Variants in IL16 observed in about 807,000 individuals in gnomAD.
IL16 encodes interleukin 16, also known as pro-interleukin-16.
Under a neutral mutation model 110.1 loss-of-function variants are expected in IL16, and 67 were observed. The ratio of observed to expected loss-of-function variants is 0.61; its 90% CI spans 0.50 to 0.75. IL16 has a LOEUF of 0.75. Among genes scored for constraint, IL16 ranks in the 30% least tolerant of loss-of-function variants. The pLI, the probability that IL16 is intolerant of heterozygous loss-of-function variation, is 0.00. For missense variants in IL16, 1,545 were observed against 1,655.0 expected, an observed-to-expected ratio of 0.93 and a Z score of 1.15; for synonymous variants, 689 against 662.9, an observed-to-expected ratio of 1.04 and a Z score of -0.61.
chr15:81,306,378 G>A, intron 17 of IL16, 42 bp from the exon 18 acceptor site: 1 of 1,608,642 alleles, frequency 6.2e-7, no homozygotes, highest in African/African-American at 1.3e-5. Flanking sequence ...TGTGGCCTGG[G>A]AGAGGAGAGG....
chr15:81,197,985 C>G (rs1002925827), intron 1 of IL16, among the ~76,000 whole-genome samples: 3 of 152,104 alleles, frequency 2.0e-5, no homozygotes, highest in East Asian at 3.9e-4. Flanking sequence ...TCCTATTTCT[C>G]CAGTTTCCCC....
chr15:81,280,435 C>T (rs1313698804), intron 8 of IL16, among the ~76,000 whole-genome samples: 1 of 152,218 alleles, frequency 6.6e-6, no homozygotes, highest in East Asian at 1.9e-4. Context: ...GGCTTTGCAG[C>T]TCGATTCTCT....
intron 3 of IL16, among the ~76,000 whole-genome samples, chr15:81,261,002 C>T (rs537260773): frequency 2.0e-5 from 3 of 152,132 alleles, no homozygotes; most frequent in Non-Finnish European, 2.9e-5. Context: ...ATATGAATAC[C>T]TATTTCTTCA....
chr15:81,251,663 TG>T (rs1897773187), intron 2 of IL16, among the ~76,000 whole-genome samples: 1 of 152,244 alleles, frequency 6.6e-6, no homozygotes, highest in Admixed American at 6.5e-5. Context: ...GAAAATAGCT[TG>T]GCACTGCTTG....
intron 15 of IL16, among the ~76,000 whole-genome samples, 166 bp downstream of exon 15, chr15:81,301,678 C>A (rs1251961390): frequency 2.0e-5 from 3 of 152,200 alleles, no homozygotes; most frequent in African/African-American, 4.8e-5. Flanking sequence ...GTAAGACCTT[C>A]CATTTGAAGA....
At chr15:81,254,765 A>T (rs956793967) in intron 2 of IL16, among the ~76,000 whole-genome samples, 1 of 152,164 alleles carries the variant, frequency 6.6e-6, no homozygotes, top group Non-Finnish European at 1.5e-5. Context: ...CACTGTGCAG[A>T]CGTTCGTGGG....
chr15:81,192,481 T>G (rs1895513475), upstream of IL16, among the ~76,000 whole-genome samples: 1 of 152,066 alleles, frequency 6.6e-6, no homozygotes. Flanking sequence ...TGGTGGCATG[T>G]GCTTGTTGTC....
In IL16 at chr15:81,290,388, C is replaced by T. The variant is rs189831048; in HGVS notation, c.1333-65C>T. 3.1e-4 allele frequency: 359 copies of T among 1,146,588 alleles called. No individual in the cohort carries two copies. The African/African-American group carries it at 4.4e-3, about 14-fold the overall frequency. The allele number at this position is 1,146,588 out of a possible 1,614,324, so 71.0% of individuals were successfully genotyped here. ...CAGTGGCCCAGCTTTGGAGCTGGTACGGGGCTGGGAGCCTGATGCAGGAGC... is the reference window on the plus strand; with the variant it reads ...CAGTGGCCCAGCTTTGGAGCTGGTATGGGGCTGGGAGCCTGATGCAGGAGC... On this transcript the variant is annotated intron_variant, in intron 10 of 18. Transcript: ENST00000683961.
intron 1 of IL16, chr15:81,183,040 C>T (rs1895367952): frequency 6.8e-6 from 3 of 437,976 alleles, no homozygotes; most frequent in Admixed American, 2.6e-5. Flanking sequence ...TGTGTGCACA[C>T]GTGTGAGTGT....
Position 81,265,687 on chromosome 15 carries a change from T to G in IL16, c.450T>G (p.Ile150Met), listed in dbSNP as rs1898344629. Residue 150 changes from isoleucine (I) to methionine (M), a missense_variant, in exon 4 of 19, where the codon ATT becomes ATG. Around this residue, in one of 3 missense-constraint regions of IL16, gnomAD observed 1,185 missense variants for 1,238.8 expected, o/e 0.96. Coordinates refer to ENST00000683961, the MANE Select transcript of IL16 (RefSeq NM_172217.5). ...TTAATCCCTATTGCACAAGAGAAAT[T>G]GATTTTCCAATGACCAAGAAATCTG... is the stretch of plus-strand genomic sequence containing the variant. ...TSVNPYCTRE[I>M]DFPMTKKSAA... 2 of 1,613,896 alleles carry G rather than the reference T, an allele frequency of 1.2e-6. No individual in the cohort carries two copies. The highest frequency in any genetic ancestry group is 2.7e-5 in the African/African-American group (2 of 74,930).
In IL16 at chr15:81,190,289, C is replaced by T. The variant is rs150106408; in HGVS notation, c.40+7393C>T. Among the ~76,000 whole-genome samples the T allele has an allele frequency of 3.3e-3, 507 of 152,298 alleles. 5 individuals carry two copies. The highest frequency in any genetic ancestry group is 4.5e-3 in the Non-Finnish European group (307 of 68,010). On this transcript the variant is annotated intron_variant, in intron 1 of 18. Transcript: ENST00000302987. ...ATCCTAATATTGGCCTTAAAAATAG[C>T]ACCACCCAGGCACTGACCACTCCCT...
chr15:81,209,261 G>A (rs896294848), intron 1 of IL16, among the ~76,000 whole-genome samples: 5 of 152,150 alleles, frequency 3.3e-5, no homozygotes, highest in Admixed American at 6.5e-5. Context: ...TGGGTACACC[G>A]AGGAGGGCAG....
intron 3 of IL16, among the ~76,000 whole-genome samples, chr15:81,260,629 T>A (rs140493669): frequency 6.6e-6 from 1 of 152,196 alleles, no homozygotes; most frequent in African/African-American, 2.4e-5. Context: ...ACATGAGATT[T>A]TGTCTGAGTT....
Position 81,313,229 on chromosome 15 carries a change from G to A in IL16, c.*4431G>A, listed in dbSNP as rs991056024. On this transcript the variant is annotated 3_prime_UTR_variant, in exon 19 of 19. Transcript: ENST00000683961. ...TGGAGCTCCTCGATGAGTCACGGGAGTTCTTTGCCAAGAAGTAACGATAGC... is the reference window on the plus strand; with the variant it reads ...TGGAGCTCCTCGATGAGTCACGGGAATTCTTTGCCAAGAAGTAACGATAGC... 2 of 1,519,354 alleles carry A rather than the reference G, an allele frequency of 1.3e-6. No homozygotes were observed. The highest frequency in any genetic ancestry group is 1.8e-6 in the Non-Finnish European group (2 of 1,128,454). 94.1% of individuals were successfully genotyped at this position (1,519,354 alleles called of 1,614,324 possible).
intron 1 of IL16, among the ~76,000 whole-genome samples, chr15:81,211,391 A>G (rs572754680): frequency 6.0e-4 from 92 of 152,202 alleles, no homozygotes; most frequent in African/African-American, 2.1e-3. Context: ...AGCTGGGATT[A>G]CAGGCATGCA....
At chr15:81,256,372 C>T (rs1379047908) in intron 2 of IL16, among the ~76,000 whole-genome samples, 1 of 138,956 alleles carries the variant, frequency 7.2e-6, no homozygotes, top group Non-Finnish European at 1.5e-5. Context: ...CTCGCTCTGT[C>T]ACCCAGGCTG....
intron 4 of IL16, among the ~76,000 whole-genome samples, chr15:81,266,554 C>T (rs1898391060): frequency 6.6e-6 from 1 of 152,180 alleles, no homozygotes; most frequent in Non-Finnish European, 1.5e-5. Flanking sequence ...TGCCTTTCAG[C>T]CCCAGCCAAA....
At position 81,313,096 on chromosome 15, in the gene IL16, G is replaced by A; in HGVS notation, c.*4298G>A. ...AGTGGGGCAGGAGGCAGGAAGGGTG[G>A]GCTGCCGCCTCTGGTTGGCATTCTC... is the stretch of plus-strand genomic sequence containing the variant. On this transcript the variant is annotated 3_prime_UTR_variant, in exon 19 of 19. Transcript: ENST00000683961. 4.9e-6 allele frequency: 4 copies of A among 815,748 alleles called. No individual in the cohort carries two copies. The highest frequency in any genetic ancestry group is 7.0e-6 in the Non-Finnish European group (4 of 574,178). The allele number at this position is 815,748 out of a possible 1,614,324, so 50.5% of individuals were successfully genotyped here. A position where few individuals can be genotyped will look rare whatever the true frequency, so the allele number is the denominator to read the frequency against.
chr15:81,204,260 A>C (rs1413281415), intron 1 of IL16, among the ~76,000 whole-genome samples: 1 of 151,896 alleles, frequency 6.6e-6, no homozygotes, highest in Non-Finnish European at 1.5e-5. Context: ...CAATCATGTC[A>C]TCTGCAAACA....
Sources: allele counts gnomAD v4.1 joint callset (sites outside exome capture counted in the v4.1 genomes callset), GRCh38; gene constraint gnomAD v4.1.1; regional missense constraint gnomAD v4.1.1; transcripts MANE v1.5; gene names NCBI Gene and HGNC (gene_info 2026-07-23, HGNC 2026-07-21).